Variants in DIAPH3 observed in about 807,000 individuals in gnomAD.
The protein encoded by DIAPH3 is diaphanous related formin 3.
Under a neutral mutation model 144.3 loss-of-function variants are expected in DIAPH3, and 117 were observed. That is an observed-to-expected ratio of 0.81 (90% confidence interval 0.70 to 0.95). DIAPH3 has a LOEUF of 0.95. DIAPH3 is among the 40% of genes least tolerant of loss of function. DIAPH3 has a pLI of 0.00. For synonymous variants in DIAPH3, 519 were observed against 488.9 expected (o/e 1.06, Z -0.81); for missense variants, 1,421 against 1,412.7 (o/e 1.01, Z -0.09).
chr13:60,075,020 G>A (rs1056123074), intron 4 of DIAPH3, among the ~76,000 whole-genome samples: 3 of 152,036 alleles, frequency 2.0e-5, no homozygotes, highest in African/African-American at 7.2e-5. Context: ...CATCAGTAGG[G>A]TATACAAGTT....
chr13:59,983,575 C>T (rs1286596128), intron 13 of DIAPH3, among the ~76,000 whole-genome samples, 194 bp downstream of exon 13: 1 of 151,486 alleles, frequency 6.6e-6, no homozygotes, highest in African/African-American at 2.4e-5. Flanking sequence ...TTTTACTCAC[C>T]ATTGTTCTGC....
At chr13:60,155,379 G>A (rs1256042459) in intron 1 of DIAPH3, among the ~76,000 whole-genome samples, 1 of 152,052 alleles carries the variant, frequency 6.6e-6, no homozygotes, top group East Asian at 1.9e-4. Context: ...AATGCCATAT[G>A]TTATCTACTT....
At chr13:60,086,894 A>C (rs1566755249) in intron 4 of DIAPH3, among the ~76,000 whole-genome samples, 2 of 152,140 alleles carry the variant, frequency 1.3e-5, no homozygotes, top group Admixed American at 1.3e-4. Context: ...TTCCATGTAG[A>C]GAAAATACAG....
intron 22 of DIAPH3, among the ~76,000 whole-genome samples, chr13:59,844,003 G>A (rs2042484844): frequency 6.6e-6 from 1 of 151,718 alleles, no homozygotes; most frequent in Admixed American, 6.6e-5. Context: ...ATGCATGGCA[G>A]GCTTAATACC....
intron 4 of DIAPH3, among the ~76,000 whole-genome samples, chr13:60,079,686 C>A (rs1464499711): frequency 6.6e-6 from 1 of 151,864 alleles, no homozygotes; most frequent in Non-Finnish European, 1.5e-5. Context: ...AAGAGCCACT[C>A]CTACTCAAAG....
chr13:60,159,482 G>A (rs550465823), intron 1 of DIAPH3, among the ~76,000 whole-genome samples: 1 of 151,882 alleles, frequency 6.6e-6, no homozygotes, highest in African/African-American at 2.4e-5. Flanking sequence ...AAAATTAGCC[G>A]GGCGTAGTGA....
intron 8 of DIAPH3, among the ~76,000 whole-genome samples, chr13:60,008,912 A>T (rs1238163860): frequency 6.6e-6 from 1 of 152,228 alleles, no homozygotes; most frequent in Admixed American, 6.5e-5. Context: ...GCCACTTTAC[A>T]AACATCAACT....
intron 4 of DIAPH3, among the ~76,000 whole-genome samples, chr13:60,069,995 T>C (rs2057138011): frequency 6.6e-6 from 1 of 152,152 alleles, no homozygotes. Context: ...AGAATACATT[T>C]TTTTTTCTAA....
chr13:60,106,000 TAAAG>T (rs1314632745), intron 3 of DIAPH3, among the ~76,000 whole-genome samples: 1 of 151,922 alleles, frequency 6.6e-6, no homozygotes, highest in Non-Finnish European at 1.5e-5. Context: ...TTAAAGAGAA[TAAAG>T]AAAGAAAAAT....
At position 60,025,118 on chromosome 13, in the gene DIAPH3, G is replaced by A. The variant is rs984208029; in HGVS notation, c.627-8973C>T. Among the ~76,000 whole-genome samples, 9 of 151,976 alleles carry A rather than the reference G, an allele frequency of 5.9e-5. No homozygotes were observed. In the East Asian group the frequency reaches 7.7e-4, roughly 13 times the overall value. On this transcript the variant is annotated intron_variant, in intron 5 of 27. Transcript: ENST00000400324. ...GATGGGGCCACATATTTTTTTCTGC[G>A]ATATTTAGCAGAAATACAAAGCAGT... is the stretch of plus-strand genomic sequence containing the variant.
intron 18 of DIAPH3, among the ~76,000 whole-genome samples, chr13:59,919,474 C>T (rs534335192): frequency 6.6e-6 from 1 of 152,064 alleles, no homozygotes; most frequent in Non-Finnish European, 1.5e-5. Flanking sequence ...GACTTCTCAA[C>T]AGAAACCTTA....
chr13:60,106,460 A>T (rs1043471198), intron 3 of DIAPH3, among the ~76,000 whole-genome samples: 1 of 152,178 alleles, frequency 6.6e-6, no homozygotes, highest in African/African-American at 2.4e-5. Context: ...TAGATTTATG[A>T]TGTCAGGATA....
chr13:60,055,944 T>A (rs1438407024), intron 4 of DIAPH3, among the ~76,000 whole-genome samples: 1 of 151,788 alleles, frequency 6.6e-6, no homozygotes, highest in Non-Finnish European at 1.5e-5. Context: ...AGTATAGTCC[T>A]CCTTGTATAG....
At chr13:59,685,261 C>T (rs546161722) in intron 27 of DIAPH3, among the ~76,000 whole-genome samples, 13 of 152,152 alleles carry the variant, frequency 8.5e-5, no homozygotes, top group African/African-American at 2.9e-4. Flanking sequence ...TGAAATATAC[C>T]TTCAAATATA....
At chr13:60,122,246 T>C (rs2058865806) in intron 2 of DIAPH3, among the ~76,000 whole-genome samples, 1 of 152,192 alleles carries the variant, frequency 6.6e-6, no homozygotes, top group African/African-American at 2.4e-5. Context: ...AGGTTGTTCC[T>C]TGTGCCTAAA....
chr13:59,731,565 C>T (rs895411196), intron 27 of DIAPH3, among the ~76,000 whole-genome samples: 2 of 152,144 alleles, frequency 1.3e-5, no homozygotes, highest in African/African-American at 4.8e-5. Flanking sequence ...TTCTGTATGA[C>T]ATTTTGACCT....
intron 21 of DIAPH3, 59 bp downstream of exon 21, chr13:59,879,170 G>A: frequency 1.2e-6 from 2 of 1,609,510 alleles, no homozygotes; most frequent in Non-Finnish European, 8.5e-7. Context: ...ATGCAATCAG[G>A]GCTGACATTT....
Position 60,163,790 on chromosome 13 carries a change from G to C in DIAPH3, c.-24C>G, listed in dbSNP as rs1952418882. The C allele has an allele frequency of 6.4e-7, 1 of 1,550,680 alleles. No homozygotes were observed. The highest frequency in any genetic ancestry group is 8.7e-7 in the Non-Finnish European group (1 of 1,151,172). On this transcript the variant is annotated 5_prime_UTR_variant, in exon 1 of 28. Transcript: ENST00000400324. ...ATCTTTCCCCGCAGCTCCGGGGACC[G>C]GAAAGAAGGTGGCCACTCAGCAAGC...
intron 2 of DIAPH3, among the ~76,000 whole-genome samples, chr13:60,117,851 T>G (rs1402826291): frequency 6.6e-6 from 1 of 152,110 alleles, no homozygotes; most frequent in East Asian, 1.9e-4. Flanking sequence ...CTGGGGGTTG[T>G]TTATGTGTGT....
Sources: gnomAD v4.1 joint callset for allele counts (sites outside exome capture counted in the v4.1 genomes callset) on GRCh38, gnomAD v4.1.1 for gene constraint, MANE v1.5 for transcripts, NCBI Gene and HGNC (gene_info 2026-07-23, HGNC 2026-07-21) for gene names.